The following INPP5D variants were observed in gnomAD, a reference collection of about 807,000 sequenced individuals.
INPP5D encodes the protein inositol polyphosphate-5-phosphatase D, also known as phosphatidylinositol 3,4,5-trisphosphate 5-phosphatase 1.
In INPP5D, 33 loss-of-function variants were observed where a neutral mutation model predicts 122.9. The ratio of observed to expected loss-of-function variants is 0.27; its 90% CI spans 0.20 to 0.36. The LOEUF is 0.36. Ranked by LOEUF, INPP5D falls within the 10% of genes least tolerant of loss-of-function variation. The pLI is 1.00. For missense variants in INPP5D, 1,053 were observed against 1,412.7 expected (o/e 0.75, Z 4.08); for synonymous variants, 584 against 576.2 (o/e 1.01, Z -0.19).
rs370172183 is a variant in INPP5D, at chr2:233,125,850, C to T, written c.455C>T (p.Ala152Val). The T allele has an allele frequency of 1.7e-5, 27 of 1,613,636 alleles. No individual in the cohort carries two copies. In the East Asian group the frequency reaches 1.8e-4, roughly 11 times the overall value. Residue 152 changes from alanine (A) to valine (V), a missense_variant, in exon 4 of 27, where the codon GCG (alanine) becomes GTG (valine). By Grantham distance (64) the Ala-to-Val change is moderately conservative (BLOSUM62 0). Transcript: ENST00000445964. ...EVPFSNENPRATETSRPSLSE... is the reference protein window; with the variant it reads ...EVPFSNENPRVTETSRPSLSE... ...CCTTTTTCAAACGAGAATCCCCGAG[C>T]GACCGAGACCAGCCGGCCGAGCCTC... is the stretch of plus-strand genomic sequence containing the variant.
intron 19 of INPP5D, among the ~76,000 whole-genome samples, chr2:233,184,179 C>G (rs6431381): frequency 0.19 from 29,479 of 152,078 alleles, 2,910 homozygotes; most frequent in East Asian, 0.28. Flanking sequence ...TCCTGGGACT[C>G]TGCATCTTTC....
At chr2:233,109,302 G>C (rs1029135128) in intron 2 of INPP5D, among the ~76,000 whole-genome samples, 7 of 152,352 alleles carry the variant, frequency 4.6e-5, no homozygotes, top group African/African-American at 1.7e-4. Flanking sequence ...AGACAGCCAA[G>C]AAGAGCAAGG....
At chr2:233,178,639 C>T (rs188137238) in intron 18 of INPP5D, among the ~76,000 whole-genome samples, 4 of 152,170 alleles carry the variant, frequency 2.6e-5, no homozygotes, top group East Asian at 1.9e-4. Flanking sequence ...CGCAGCACCA[C>T]GCCTGGCTAA....
chr2:233,085,400 AG>A (rs1046950389), intron 2 of INPP5D, among the ~76,000 whole-genome samples: 2 of 151,770 alleles, frequency 1.3e-5, no homozygotes, highest in African/African-American at 4.9e-5. Context: ...AAAAAAAAAA[AG>A]AATGTAGCGT....
In INPP5D at chr2:233,204,761, T is replaced by TGC. The variant is rs1190603049; in HGVS notation, c.3567+45_3567+46dup. ...GGGTTCGTGTGCATTTGTGTGTGTG[T>TGC]GCATGCGTGAGTGCGTATGTGTGTA... On this transcript the variant is annotated intron_variant, in intron 26 of 26. Transcript: ENST00000445964. 7 of 1,439,778 alleles carry TGC rather than the reference T, an allele frequency of 4.9e-6. No individual in the cohort carries two copies. In the African/African-American group the frequency reaches 5.9e-5, roughly 12 times the overall value. 89.2% of individuals were successfully genotyped at this position (1,439,778 alleles called of 1,614,324 possible).
At chr2:233,124,436 C>T (rs573080016) in intron 3 of INPP5D, among the ~76,000 whole-genome samples, 6 of 152,316 alleles carry the variant, frequency 3.9e-5, no homozygotes, top group East Asian at 1.9e-4. Flanking sequence ...CCAAAAGGAC[C>T]GCAGCTCCAT....
chr2:233,206,404 G>A lies in INPP5D; in HGVS notation c.3568-302G>A, dbSNP rs1392270465. Among the ~76,000 whole-genome samples, 2 of 151,964 alleles carry A rather than the reference G, an allele frequency of 1.3e-5. No homozygotes were observed. The highest frequency in any genetic ancestry group is 2.4e-5 in the African/African-American group (1 of 41,354). On this transcript the variant is annotated intron_variant, in intron 26 of 26. Transcript: ENST00000445964. This position sits in a 1 kb window ranked among gnomAD's most constrained non-coding sequence, Gnocchi z 4.0. ...TACCTGGGTGTGGTGCCATGCACCT[G>A]TAGTCCCAGCTACTGGGGAGGCTGA...
chr2:233,176,189 C>G (rs563103232), intron 17 of INPP5D, among the ~76,000 whole-genome samples: 1 of 152,274 alleles, frequency 6.6e-6, no homozygotes, highest in Admixed American at 6.5e-5. Flanking sequence ...TAATGGACAT[C>G]TTGCTCATCA....
chr2:233,101,224 C>T (rs372949861), intron 2 of INPP5D, among the ~76,000 whole-genome samples: 4 of 152,252 alleles, frequency 2.6e-5, no homozygotes, highest in African/African-American at 4.8e-5. Flanking sequence ...CTATTTCTAC[C>T]GTGGAGACAC....
At chr2:233,062,420 A>C (rs1691101475) in intron 1 of INPP5D, among the ~76,000 whole-genome samples, 1 of 152,218 alleles carries the variant, frequency 6.6e-6, no homozygotes, top group Admixed American at 6.5e-5. Flanking sequence ...CTGGCTTTTC[A>C]GGAGGTAGAC....
intron 1 of INPP5D, among the ~76,000 whole-genome samples, chr2:233,060,863 C>T (rs577775179): frequency 6.6e-6 from 1 of 152,254 alleles, no homozygotes; most frequent in South Asian, 2.1e-4. Flanking sequence ...GCTGTATGGA[C>T]CTTGTGGCTT....
At chr2:233,156,188 A>G (rs1694049312) in intron 9 of INPP5D, among the ~76,000 whole-genome samples, 1 of 152,266 alleles carries the variant, frequency 6.6e-6, no homozygotes, top group South Asian at 2.1e-4. Flanking sequence ...GACAGGAGCC[A>G]GTGTGGCTGG....
chr2:233,109,831 C>T (rs1410318662), intron 2 of INPP5D, among the ~76,000 whole-genome samples: 1 of 151,664 alleles, frequency 6.6e-6, no homozygotes, highest in Admixed American at 6.6e-5. Flanking sequence ...CATGAACCAC[C>T]CGCCTCAGCC....
intron 2 of INPP5D, among the ~76,000 whole-genome samples, chr2:233,108,466 T>C (rs555230720): frequency 1.8e-4 from 27 of 152,376 alleles, no homozygotes; most frequent in African/African-American, 6.5e-4. Flanking sequence ...ATCACATATG[T>C]GGGCGCATCT....
At chr2:233,147,363 A>G in intron 8 of INPP5D, 108 bp from the exon 9 acceptor site, 1 of 652,196 alleles carries the variant, frequency 1.5e-6, no homozygotes, top group Non-Finnish European at 2.8e-6. Context: ...CCCACGAAGG[A>G]CGCACACCAG....
At chr2:233,095,278 T>C (rs2106226890) in intron 2 of INPP5D, among the ~76,000 whole-genome samples, 1 of 152,354 alleles carries the variant, frequency 6.6e-6, no homozygotes, top group Non-Finnish European at 1.5e-5. Context: ...GAGATAGAAC[T>C]TGTATTTTAG....
chr2:233,205,418 G>A (rs1695472741), intron 26 of INPP5D: 1 of 151,726 alleles, frequency 6.6e-6, no homozygotes, highest in Non-Finnish European at 1.5e-5. Context: ...CTAGAGTCCA[G>A]TGGTGTGATC....
intron 13 of INPP5D, among the ~76,000 whole-genome samples, chr2:233,165,422 G>A (rs1394999768): frequency 2.0e-5 from 3 of 151,828 alleles, no homozygotes; most frequent in African/African-American, 4.8e-5. Flanking sequence ...ATGTGAGTCC[G>A]TGTGTGAGTG....
chr2:233,197,371 T>C lies in INPP5D; in HGVS notation c.2694-724T>C, dbSNP rs940968304. Among the ~76,000 whole-genome samples the C allele has an allele frequency of 6.6e-6, 1 of 152,202 alleles. No homozygotes were observed. Among genetic ancestry groups the C allele is most frequent in the Non-Finnish European group, 1.5e-5 (1 of 68,032 alleles). ...CTAAATATGCACATGGCTGTCTCTA[T>C]GCTGACGCTGCACACACAAATGTGT... On this transcript the variant is annotated intron_variant, in intron 24 of 26. Coordinates refer to ENST00000445964, the MANE Select transcript of INPP5D (RefSeq NM_001017915.3). This position sits in a 1 kb window ranked among gnomAD's most constrained non-coding sequence, Gnocchi z 4.4.
Sources: gnomAD v4.1 joint callset for allele counts (sites outside exome capture counted in the v4.1 genomes callset) on GRCh38, gnomAD v4.1.1 for gene constraint, Gnocchi (gnomAD v3.1) non-coding constraint, MANE v1.5 for transcripts, NCBI Gene and HGNC (gene_info 2026-07-23, HGNC 2026-07-21) for gene names.